The following PPP2R2B variants were observed in gnomAD, a reference collection of about 807,000 sequenced individuals.
The protein encoded by PPP2R2B is serine/threonine-protein phosphatase 2A 55 kDa regulatory subunit B beta isoform.
A neutral mutation model predicts 46.0 loss-of-function variants in PPP2R2B; 5 were observed. The observed-to-expected ratio is 0.11, with a 90% CI of 0.06 to 0.23. PPP2R2B has a LOEUF of 0.23. Ranked by LOEUF, PPP2R2B falls within the 10% of genes least tolerant of loss-of-function variation. The probability of loss-of-function intolerance (pLI) is 1.00; values close to 1 mark genes in which losing one functional copy is unlikely to be tolerated. For synonymous variants in PPP2R2B, 215 were observed against 206.7 expected (o/e 1.04, Z -0.34); for missense variants, 367 against 575.0 (o/e 0.64, Z 3.70).
chr5:146,882,277 A>AG (rs1582351923), upstream of PPP2R2B, among the ~76,000 whole-genome samples: 1 of 152,164 alleles, frequency 6.6e-6, no homozygotes, highest in African/African-American at 2.4e-5. Flanking sequence ...AGAAAAAAAA[A>AG]AAAAAAGAAT....
At chr5:146,678,417 C>A (rs1471603448) in intron 5 of PPP2R2B, among the ~76,000 whole-genome samples, 1 of 140,748 alleles carries the variant, frequency 7.1e-6, no homozygotes, top group Non-Finnish European at 1.5e-5. Context: ...CTATCTATGA[C>A]AAACCCACAG....
chr5:146,615,999 T>A (rs1341555267), intron 7 of PPP2R2B, among the ~76,000 whole-genome samples: 3 of 152,194 alleles, frequency 2.0e-5, no homozygotes, highest in South Asian at 4.1e-4. Flanking sequence ...ACTACAGAGT[T>A]ACAGTAACCA....
intron 4 of PPP2R2B, 66 bp downstream of exon 4, chr5:146,697,913 G>C (rs983081630): frequency 1.2e-5 from 17 of 1,462,060 alleles, no homozygotes; most frequent in African/African-American, 1.4e-5. Context: ...TTGAGGTTAA[G>C]AGAGATTGAA....
At chr5:146,891,356 C>A (rs774937741) in intron 1 of PPP2R2B, among the ~76,000 whole-genome samples, 2 of 152,222 alleles carry the variant, frequency 1.3e-5, no homozygotes, top group Non-Finnish European at 2.9e-5. Context: ...ATAATCCACA[C>A]CCAATAAATG....
In PPP2R2B at chr5:146,861,367, A is replaced by G. The variant is rs1031163759; in HGVS notation, c.70+16635T>C. The stretch of plus-strand genomic sequence containing the variant: ...CACCGCGCCCAGCCTAATTTCCTAT[A>G]TTTTTAGTAGAGGTGGGGTTTCACC... On this transcript the variant is annotated intron_variant, in intron 2 of 9. Transcript: ENST00000394411. Among the ~76,000 whole-genome samples, 8 of 150,326 alleles carry G rather than the reference A, an allele frequency of 5.3e-5. No homozygotes were observed. In the South Asian group the frequency reaches 1.5e-3, roughly 28 times the overall value.
chr5:146,829,139 T>G (rs913061128), intron 2 of PPP2R2B, among the ~76,000 whole-genome samples: 3 of 152,218 alleles, frequency 2.0e-5, no homozygotes, highest in Admixed American at 6.5e-5. Flanking sequence ...AAAATTATAC[T>G]GCAAGACAAG....
chr5:146,737,939 C>CA (rs761712102), intron 2 of PPP2R2B, among the ~76,000 whole-genome samples: 9 of 148,876 alleles, frequency 6.0e-5, no homozygotes, highest in African/African-American at 1.3e-4. Context: ...GACCCTGTCT[C>CA]AAAAAACAAA....
chr5:147,054,845 T>G (rs567101906), intron 1 of PPP2R2B, among the ~76,000 whole-genome samples: 2 of 152,320 alleles, frequency 1.3e-5, no homozygotes, highest in East Asian at 3.9e-4. Context: ...TTCTTGAAAT[T>G]GTTCTTTTTC....
At chr5:146,665,320 T>C (rs1581825334) in intron 5 of PPP2R2B, among the ~76,000 whole-genome samples, 1 of 152,372 alleles carries the variant, frequency 6.6e-6, no homozygotes, top group East Asian at 1.9e-4. Context: ...TCTGGATAGC[T>C]TTCTGCAGCT....
Position 146,582,477 on chromosome 5 carries a change from A to G in PPP2R2B, c.*7470T>C, listed in dbSNP as rs1769939586. The G allele has an allele frequency of 6.6e-6, 1 of 152,196 alleles. No individual in the cohort carries two copies. The highest frequency in any genetic ancestry group is 2.4e-5 in the African/African-American group (1 of 41,430). The allele number at this position is 152,196 out of a possible 1,614,324, so 9.4% of individuals were successfully genotyped here. ...GCTCTATTAACTAACACTGCAATCT[A>G]AGCTTGATCACTTGCTTTTAACACA... On this transcript the variant is annotated 3_prime_UTR_variant, in exon 10 of 10. Coordinates refer to ENST00000394411, the MANE Select transcript of PPP2R2B (RefSeq NM_181675.4).
intron 1 of PPP2R2B, among the ~76,000 whole-genome samples, chr5:147,042,015 T>A (rs1380204467): frequency 2.6e-5 from 4 of 152,028 alleles, no homozygotes; most frequent in African/African-American, 9.7e-5. Context: ...TCCCAGCACA[T>A]CCAAGAATGC....
At position 146,677,112 on chromosome 5, in the gene PPP2R2B, C is replaced by T. The variant is rs928048240; in HGVS notation, c.447+14016G>A. Reference sequence around the variant, plus strand: ...CCTCATAGGATGCTTTTCTTAGATGCTCTTTGAATTTGGAGAGCCTATGAT... The same window carrying T: ...CCTCATAGGATGCTTTTCTTAGATGTTCTTTGAATTTGGAGAGCCTATGAT... On this transcript the variant is annotated intron_variant, in intron 5 of 9. Coordinates refer to ENST00000394411, the MANE Select transcript of PPP2R2B (RefSeq NM_181675.4). Among the ~76,000 whole-genome samples the T allele has an allele frequency of 2.0e-5, 3 of 152,262 alleles. No individual in the cohort carries two copies. In the South Asian group the frequency reaches 6.2e-4, roughly 32 times the overall value.
chr5:146,655,028 C>A (rs1174561945), intron 5 of PPP2R2B, among the ~76,000 whole-genome samples: 2 of 152,144 alleles, frequency 1.3e-5, no homozygotes, highest in Non-Finnish European at 2.9e-5. Context: ...GAACAGTGGT[C>A]AGTCCTTGGC....
intron 1 of PPP2R2B, among the ~76,000 whole-genome samples, chr5:146,925,617 G>T (rs1378740282): frequency 1.3e-5 from 2 of 152,098 alleles, no homozygotes; most frequent in African/African-American, 4.8e-5. Context: ...TTCAAGTGTG[G>T]ATCTATTTGT....
At chr5:146,873,322 A>G (rs1554149342) in intron 2 of PPP2R2B, among the ~76,000 whole-genome samples, 1 of 152,022 alleles carries the variant, frequency 6.6e-6, no homozygotes, top group Non-Finnish European at 1.5e-5. Context: ...TTATCTCCCA[A>G]CTTTCATTCT....
intron 2 of PPP2R2B, among the ~76,000 whole-genome samples, chr5:146,733,989 C>T (rs1383105919): frequency 6.6e-6 from 1 of 151,558 alleles, no homozygotes; most frequent in East Asian, 1.9e-4. Context: ...TGAGCATTTC[C>T]AGGAATTGTT....
At chr5:146,981,364 T>C (rs1170894521) in intron 1 of PPP2R2B, among the ~76,000 whole-genome samples, 1 of 152,172 alleles carries the variant, frequency 6.6e-6, no homozygotes, top group Non-Finnish European at 1.5e-5. Flanking sequence ...CTGGGTCAAG[T>C]CCTATATAAT....
intron 1 of PPP2R2B, among the ~76,000 whole-genome samples, chr5:146,935,902 A>G (rs1764123911): frequency 6.6e-6 from 1 of 152,168 alleles, no homozygotes; most frequent in Non-Finnish European, 1.5e-5. Flanking sequence ...CCAGCAACTT[A>G]GGCAAGTTAT....
intron 1 of PPP2R2B, among the ~76,000 whole-genome samples, chr5:146,955,502 G>A (rs2151838354): frequency 6.6e-6 from 1 of 152,252 alleles, no homozygotes; most frequent in East Asian, 1.9e-4. Context: ...GGAAGCACCT[G>A]AAGTATCAAT....
Sources: gnomAD v4.1 joint callset for allele counts (sites outside exome capture counted in the v4.1 genomes callset) on GRCh38, gnomAD v4.1.1 for gene constraint, MANE v1.5 for transcripts, NCBI Gene and HGNC (gene_info 2026-07-23, HGNC 2026-07-21) for gene names.